The following DDX18 variants were observed in gnomAD, a reference collection of about 807,000 sequenced individuals.
DDX18 encodes the protein DEAD-box helicase 18.
A neutral mutation model predicts 73.5 loss-of-function variants in DDX18; 23 were observed. The ratio of observed to expected loss-of-function variants is 0.31; its 90% CI spans 0.23 to 0.44. The LOEUF is 0.44. Among genes scored for constraint, DDX18 ranks in the 20% least tolerant of loss-of-function variants. The pLI is 1.00. For synonymous variants in DDX18, 268 were observed against 282.7 expected (o/e 0.95, Z 0.52); for missense variants, 753 against 792.9 (o/e 0.95, Z 0.60).
In DDX18 at chr2:117,824,695, A is replaced by G; in HGVS notation, c.1193A>G (p.Asp398Gly). Residue 398 changes from aspartate to glycine, a missense_variant, in exon 8 of 14, where the codon GAT becomes GGT. This residue lies in a region of DDX18 where 402 missense variants were observed against 419.4 expected (regional missense o/e 0.96). Transcript: ENST00000263239. ...VDDDKANATVDGLEQGYVVCP... is the reference protein window; with the variant it reads ...VDDDKANATVGGLEQGYVVCP... ...GATGATAAAGCGAATGCAACAGTGG[A>G]TGGTCTTGAACAGGTACTTTTTATC... 4 of 1,476,090 alleles carry G rather than the reference A, an allele frequency of 2.7e-6. No individual in the cohort carries two copies. The highest frequency in any genetic ancestry group is 3.6e-6 in the Non-Finnish European group (4 of 1,113,466). The allele number at this position is 1,476,090 out of a possible 1,614,324, so 91.4% of individuals were successfully genotyped here. A position where few individuals can be genotyped will look rare whatever the true frequency, so the allele number is the denominator to read the frequency against.
intron 10 of DDX18, chr2:117,825,956 AT>A (rs753339176): frequency 5.2e-6 from 2 of 381,348 alleles, no homozygotes; most frequent in African/African-American, 2.1e-5. Context: ...CAAACACTGG[AT>A]TAAAGCCGTT....
At chr2:117,816,281 T>C (rs991402924) in intron 1 of DDX18, among the ~76,000 whole-genome samples, 1 of 152,270 alleles carries the variant, frequency 6.6e-6, no homozygotes, top group East Asian at 1.9e-4. Flanking sequence ...CTTAGCCTGC[T>C]GTAACTTTTA....
chr2:117,814,882 G>T lies in DDX18; in HGVS notation c.85+20G>T. On this transcript the variant is annotated intron_variant, in intron 1 of 13. Coordinates refer to ENST00000263239, the MANE Select transcript of DDX18 (RefSeq NM_006773.4). ...TTCAGGGTGAGATGCGTTGACTCGCGGTGGCTCAGAAGACCCACGCGCGAG... is the reference window on the plus strand; with the variant it reads ...TTCAGGGTGAGATGCGTTGACTCGCTGTGGCTCAGAAGACCCACGCGCGAG... The T allele has an allele frequency of 1.9e-6, 3 of 1,613,868 alleles. No homozygotes were observed. The highest frequency in any genetic ancestry group is 3.3e-5 in the Admixed American group (2 of 60,020).
chr2:117,825,201 G>C, intron 9 of DDX18, 100 bp downstream of exon 9: 2 of 1,443,806 alleles, frequency 1.4e-6, no homozygotes, highest in South Asian at 2.7e-5. Flanking sequence ...ACATTGTTCT[G>C]AGTAGTTTGA....
At chr2:117,824,863 T>A in intron 8 of DDX18, 77 bp from the exon 9 acceptor site, 1 of 1,517,124 alleles carries the variant, frequency 6.6e-7, no homozygotes. Flanking sequence ...TCAGTGCTCT[T>A]GATGAAATTA....
Position 117,819,802 on chromosome 2 carries a change from A to C in DDX18, c.514+10A>C, listed in dbSNP as rs145263993. On this transcript the variant is annotated intron_variant, in intron 3 of 13. Transcript: ENST00000263239. ...CCCCTGGGACTGACAGGTAACGTCC[A>C]GGAAGTTTTCTAGAGGTAACTTCTT... 8.4e-5 allele frequency: 131 copies of C among 1,557,214 alleles called. No individual in the cohort carries two copies. In the East Asian group the frequency reaches 2.7e-3, roughly 32 times the overall value.
intron 13 of DDX18, 64 bp from the exon 14 acceptor site, chr2:117,830,518 T>G: frequency 6.4e-7 from 1 of 1,558,038 alleles, no homozygotes; most frequent in Non-Finnish European, 8.7e-7. Flanking sequence ...TTTTTTTCTC[T>G]GTGTAGATGT....
chr2:117,814,846 G>A lies in DDX18; in HGVS notation c.69G>A (p.Arg23=). 1 of 1,614,200 alleles carries A rather than the reference G, an allele frequency of 6.2e-7. No homozygotes were observed. The highest frequency in any genetic ancestry group is 8.5e-7 in the Non-Finnish European group (1 of 1,180,032). Residue 23 remains arginine (R), a synonymous_variant, in exon 1 of 14, where the codon CGG becomes CGA. Coordinates refer to ENST00000263239, the MANE Select transcript of DDX18 (RefSeq NM_006773.4). The part of the protein sequence containing the change: ...IEKRNLKLRQ[R]NLKFQGASNL... Reference sequence around the variant, plus strand: ...AGCGGAACCTCAAATTGCGGCAGCGGAACCTAAAGTTTCAGGGTGAGATGC... The same window carrying A: ...AGCGGAACCTCAAATTGCGGCAGCGAAACCTAAAGTTTCAGGGTGAGATGC...
At chr2:117,828,431 A>G (rs975588017) in intron 11 of DDX18, 3 of 152,258 alleles carry the variant, frequency 2.0e-5, no homozygotes, top group African/African-American at 7.2e-5. Flanking sequence ...CTCTGAGGGC[A>G]GAGTCCATGA....
chr2:117,830,008 A>G (rs1679994560), intron 13 of DDX18, among the ~76,000 whole-genome samples: 1 of 152,222 alleles, frequency 6.6e-6, no homozygotes, highest in African/African-American at 2.4e-5. Flanking sequence ...TGTGATTTAT[A>G]ATTTGTGCCT....
intron 1 of DDX18, among the ~76,000 whole-genome samples, chr2:117,816,076 A>C (rs568704117): frequency 6.6e-6 from 1 of 152,198 alleles, no homozygotes; most frequent in African/African-American, 2.4e-5. Context: ...GACATGAGAG[A>C]TTTAGAAAAT....
intron 1 of DDX18, chr2:117,815,087 TACA>T (rs1679734033): frequency 1.7e-6 from 1 of 574,658 alleles, no homozygotes; most frequent in South Asian, 2.1e-5. Flanking sequence ...AGTGTCTTCT[TACA>T]ACGTTAGAGC....
In DDX18 at chr2:117,825,609, A is replaced by G. The variant is rs757504556; in HGVS notation, c.1521+10A>G. On this transcript the variant is annotated intron_variant, in intron 10 of 13. Coordinates refer to ENST00000263239, the MANE Select transcript of DDX18 (RefSeq NM_006773.4). ...TCCGGATGACCCTAAGGTAACTGGC[A>G]TCTTTGGAATATCTTCAGAATGACT... 6 of 1,609,798 alleles carry G rather than the reference A, an allele frequency of 3.7e-6. No individual in the cohort carries two copies. In the South Asian group the frequency reaches 5.5e-5, roughly 15 times the overall value.
At chr2:117,823,429 C>T (rs891646238) in intron 7 of DDX18, among the ~76,000 whole-genome samples, 50 of 152,164 alleles carry the variant, frequency 3.3e-4, no homozygotes, top group Admixed American at 2.3e-3. Context: ...TCCAATTGCT[C>T]GTTGCTTTAA....
intron 1 of DDX18, among the ~76,000 whole-genome samples, chr2:117,816,963 T>G (rs1409757500): frequency 6.6e-6 from 1 of 152,250 alleles, no homozygotes; most frequent in Non-Finnish European, 1.5e-5. Context: ...AAATAAGTGG[T>G]CTTATCAACT....
intron 11 of DDX18, chr2:117,827,517 G>A (rs1228890590): frequency 8.1e-6 from 1 of 124,122 alleles, no homozygotes; most frequent in Non-Finnish European, 1.6e-5. Flanking sequence ...GCCCCGGTGT[G>A]TGATATTCAC....
intron 11 of DDX18, chr2:117,827,590 T>G (rs1172410991): frequency 6.7e-6 from 1 of 150,240 alleles, no homozygotes; most frequent in Non-Finnish European, 1.5e-5. Context: ...ATGCGGTGTT[T>G]GGTTTTCTGT....
chr2:117,814,952 C>A, intron 1 of DDX18, 90 bp downstream of exon 1: 1 of 1,313,898 alleles, frequency 7.6e-7, no homozygotes, highest in Non-Finnish European at 1.1e-6. Context: ...CTCTGTGTGA[C>A]GGAGGCAGCT....
intron 1 of DDX18, among the ~76,000 whole-genome samples, chr2:117,816,889 C>T (rs1212113806): frequency 6.6e-6 from 1 of 152,120 alleles, no homozygotes; most frequent in Non-Finnish European, 1.5e-5. Context: ...TATATGTTGT[C>T]CTTAATTCAC....
Sources: allele counts gnomAD v4.1 joint callset (sites outside exome capture counted in the v4.1 genomes callset), GRCh38; gene constraint gnomAD v4.1.1; regional missense constraint gnomAD v4.1.1; transcripts MANE v1.5; gene names NCBI Gene and HGNC (gene_info 2026-07-23, HGNC 2026-07-21).